The following DNAH14 variants were observed in gnomAD, a reference collection of about 807,000 sequenced individuals.
The protein encoded by DNAH14 is dynein axonemal heavy chain 14, also known as axonemal beta dynein heavy chain 14.
DNAH14 carries 478 observed loss-of-function variants against 520.9 expected under a neutral mutation model. The ratio of observed to expected loss-of-function variants is 0.92; its 90% CI spans 0.85 to 0.99. DNAH14 has a LOEUF of 0.99. Ranked by LOEUF, DNAH14 falls within the 50% of genes least tolerant of loss-of-function variation. The pLI, the probability that DNAH14 is intolerant of heterozygous loss-of-function variation, is 0.00. For missense variants in DNAH14, 4,831 were observed against 5,234.5 expected, an observed-to-expected ratio of 0.92 and a Z score of 2.38; for synonymous variants, 1,581 against 1,757.2, an observed-to-expected ratio of 0.90 and a Z score of 2.51.
At chr1:225,387,262 G>C (rs2095852580) in intron 81 of DNAH14, among the ~76,000 whole-genome samples, 1 of 152,106 alleles carries the variant, frequency 6.6e-6, no homozygotes, top group South Asian at 2.1e-4. Context: ...GGGAGGGATA[G>C]CATTAGGAGA....
At chr1:225,215,167 C>G (rs2089116535) in intron 41 of DNAH14, among the ~76,000 whole-genome samples, 1 of 152,004 alleles carries the variant, frequency 6.6e-6, no homozygotes, top group Non-Finnish European at 1.5e-5. Context: ...CGTTATATAC[C>G]TAGTAGTCAT....
At chr1:225,323,124 A>T (rs1288642328) in intron 62 of DNAH14, among the ~76,000 whole-genome samples, 1 of 152,200 alleles carries the variant, frequency 6.6e-6, no homozygotes, top group Non-Finnish European at 1.5e-5. Flanking sequence ...GACACAGCTA[A>T]GGTAGAGAAC....
chr1:225,039,151 A>G (rs966712291), intron 12 of DNAH14, among the ~76,000 whole-genome samples: 2 of 152,208 alleles, frequency 1.3e-5, no homozygotes, highest in Non-Finnish European at 2.9e-5. Flanking sequence ...GGAGACAGAT[A>G]AATGAAGTGA....
chr1:224,971,825 AC>A (rs1353250495), intron 7 of DNAH14, among the ~76,000 whole-genome samples: 1 of 152,168 alleles, frequency 6.6e-6, no homozygotes, highest in Non-Finnish European at 1.5e-5. Context: ...ATTTTCTGGG[AC>A]CTGTCACATG....
Position 225,152,181 on chromosome 1 carries a change from T to A in DNAH14, c.5009+108T>A, listed in dbSNP as rs538621707. On this transcript the variant is annotated intron_variant, in intron 32 of 85. Coordinates refer to ENST00000682510, the MANE Select transcript of DNAH14 (RefSeq NM_001367479.1). ...ATTTGCATCTATCCATATATCTGTC[T>A]CCACCATCCTCTGAACACTTCCACT... The A allele has an allele frequency of 5.4e-6, 5 of 926,454 alleles. No individual in the cohort carries two copies. In the South Asian group the frequency reaches 8.6e-5, roughly 16 times the overall value. The allele number at this position is 926,454 out of a possible 1,614,324, so 57.4% of individuals were successfully genotyped here.
intron 12 of DNAH14, among the ~76,000 whole-genome samples, chr1:225,042,485 G>A (rs2067567555): frequency 6.6e-6 from 1 of 152,126 alleles, no homozygotes; most frequent in African/African-American, 2.4e-5. Flanking sequence ...TGTTGAGCTT[G>A]TAGATGATTA....
At chr1:225,196,873 T>C (rs1434201675) in intron 38 of DNAH14, among the ~76,000 whole-genome samples, 1 of 151,844 alleles carries the variant, frequency 6.6e-6, no homozygotes, top group Non-Finnish European at 1.5e-5. Flanking sequence ...GTTTTTTTTC[T>C]TGCTAATTTG....
intron 38 of DNAH14, among the ~76,000 whole-genome samples, chr1:225,201,353 T>C (rs2086798627): frequency 6.6e-6 from 1 of 152,170 alleles, no homozygotes; most frequent in South Asian, 2.1e-4. Context: ...CCTTCTGAAT[T>C]CTTTTTCAGG....
chr1:225,269,313 T>G (rs959722489), intron 49 of DNAH14, among the ~76,000 whole-genome samples: 13 of 152,296 alleles, frequency 8.5e-5, no homozygotes, highest in African/African-American at 3.1e-4. Context: ...CCTTACACCT[T>G]ATATAAAAAT....
Position 225,333,363 on chromosome 1 carries a change from G to A in DNAH14, c.9937G>A (p.Ala3313Thr). The part of the protein sequence containing the change: ...EGILGDILLS[A>T]ACIVYSGILT... ...AATTTTGGGTGACATACTTCTTTCA[G>A]CAGCGTGCATTGTCTACAGTGGAAT... The change falls in exon 66 of 86, where the codon GCA (alanine) becomes ACA (threonine). Residue 3313 changes from alanine (A) to threonine (T), a missense_variant. Ala to Thr is a moderately conservative substitution (Grantham distance 58, BLOSUM62 0). Transcript: ENST00000682510. 1.3e-6 allele frequency: 2 copies of A among 1,551,732 alleles called. No homozygotes were observed. Among genetic ancestry groups the A allele is most frequent in the Non-Finnish European group, 1.7e-6 (2 of 1,146,924 alleles).
At chr1:225,054,555 G>T (rs912113523) in intron 17 of DNAH14, among the ~76,000 whole-genome samples, 5 of 151,928 alleles carry the variant, frequency 3.3e-5, no homozygotes, top group Admixed American at 1.3e-4. Context: ...TATTTTTGGT[G>T]TATCAGACAT....
intron 36 of DNAH14, among the ~76,000 whole-genome samples, chr1:225,177,317 A>T (rs1192159665): frequency 6.6e-6 from 1 of 152,206 alleles, no homozygotes; most frequent in African/African-American, 2.4e-5. Context: ...GTTTAAAAGC[A>T]TTCCATTTTA....
intron 35 of DNAH14, among the ~76,000 whole-genome samples, chr1:225,167,628 G>T (rs886429231): frequency 6.6e-6 from 1 of 152,120 alleles, no homozygotes; most frequent in Non-Finnish European, 1.5e-5. Flanking sequence ...TAATTAGATG[G>T]TTATACACTG....
At chr1:225,143,135 AG>A in intron 28 of DNAH14, among the ~76,000 whole-genome samples, 1 of 152,172 alleles carries the variant, frequency 6.6e-6, no homozygotes, top group Non-Finnish European at 1.5e-5. Context: ...TGAGTTACTA[AG>A]GGTGCAGTGA....
chr1:224,945,298 T>C (rs1242822517), intron 1 of DNAH14, among the ~76,000 whole-genome samples: 2 of 152,234 alleles, frequency 1.3e-5, no homozygotes, highest in Non-Finnish European at 2.9e-5. Context: ...CTACTGAGGC[T>C]TGTGCATTCG....
chr1:225,128,618 A>G (rs12564700), intron 27 of DNAH14, among the ~76,000 whole-genome samples: 28,185 of 148,814 alleles, frequency 0.19, 5,546 homozygotes, highest in African/African-American at 0.5. Flanking sequence ...ATTCAACAAC[A>G]CTTCATGCTA....
chr1:225,394,558 G>A (rs2095976775), intron 84 of DNAH14, among the ~76,000 whole-genome samples: 1 of 151,748 alleles, frequency 6.6e-6, no homozygotes, highest in Non-Finnish European at 1.5e-5. Context: ...ATATATAATT[G>A]AAGGCCAGGC....
chr1:225,105,294 C>A (rs898221541), intron 23 of DNAH14, among the ~76,000 whole-genome samples: 2 of 151,918 alleles, frequency 1.3e-5, no homozygotes, highest in African/African-American at 4.8e-5. Flanking sequence ...CTGAGGAGAG[C>A]TTTACTTCCA....
chr1:225,106,813 C>G (rs545329754), intron 23 of DNAH14, among the ~76,000 whole-genome samples: 1 of 152,052 alleles, frequency 6.6e-6, no homozygotes, highest in East Asian at 1.9e-4. Context: ...AACTTCTTTG[C>G]CATTGGTTCT....
Sources: allele counts gnomAD v4.1 joint callset (sites outside exome capture counted in the v4.1 genomes callset), GRCh38; gene constraint gnomAD v4.1.1; transcripts MANE v1.5; gene names NCBI Gene and HGNC (gene_info 2026-07-23, HGNC 2026-07-21).